The following CHN2 variants were observed in gnomAD, a reference collection of about 807,000 sequenced individuals.
The protein encoded by CHN2 is chimerin 2.
CHN2 carries 35 observed loss-of-function variants against 56.3 expected under a neutral mutation model. That is an observed-to-expected ratio of 0.62 (90% CI 0.47 to 0.82). The LOEUF (loss-of-function observed/expected upper bound fraction) is 0.82, where lower values mean the gene tolerates loss of function less well. Among genes scored for constraint, CHN2 ranks in the 40% least tolerant of loss-of-function variants. The pLI, the probability that CHN2 is intolerant of heterozygous loss-of-function variation, is 0.00. For missense variants in CHN2, 491 were observed against 580.5 expected (o/e 0.85, Z 1.58); for synonymous variants, 210 against 212.8 (o/e 0.99, Z 0.12).
chr7:29,298,743 A>T (rs753490898), intron 1 of CHN2, among the ~76,000 whole-genome samples: 11 of 152,320 alleles, frequency 7.2e-5, no homozygotes, highest in Admixed American at 3.9e-4. Context: ...TGGTTGGTTT[A>T]CAAGAACAAG....
intron 1 of CHN2, among the ~76,000 whole-genome samples, chr7:29,349,997 C>A (rs1797755164): frequency 6.6e-6 from 1 of 152,190 alleles, no homozygotes; most frequent in Non-Finnish European, 1.5e-5. Context: ...CACCATTTGG[C>A]TTAATGACAA....
rs937887541 is a variant in CHN2 at position 29,354,704 on chromosome 7, A to G, written c.88+41A>G. The G allele has an allele frequency of 2.9e-5, 46 of 1,585,822 alleles. No individual in the cohort carries two copies. The East Asian group carries it at 3.4e-4, about 12-fold the overall frequency. On this transcript the variant is annotated intron_variant, in intron 2 of 12. Coordinates refer to ENST00000222792, the MANE Select transcript of CHN2 (RefSeq NM_004067.4). ...GAAAATCTCCCCAGAAGTCGTTAGC[A>G]GGCCAGCCTTTCTGAACAATTCTTG... is the stretch of plus-strand genomic sequence containing the variant.
intron 6 of CHN2, among the ~76,000 whole-genome samples, chr7:29,447,765 G>C (rs1562615051): frequency 6.6e-6 from 1 of 152,138 alleles, no homozygotes. Context: ...CATGATATGT[G>C]ATATGAGTGA....
intron 1 of CHN2, among the ~76,000 whole-genome samples, chr7:29,195,629 A>AGAGAGAGAGAGAGTGT (rs869037854): frequency 2.5e-4 from 29 of 117,554 alleles, no homozygotes; most frequent in East Asian, 1.5e-3. Flanking sequence ...AGAGAGAGAG[A>AGAGAGAGAGAGAGTGT]GTGTGTGTGT....
chr7:29,185,955 C>T (rs560155354), intron 2 of CHN2, among the ~76,000 whole-genome samples: 3 of 152,256 alleles, frequency 2.0e-5, no homozygotes, highest in African/African-American at 4.8e-5. Context: ...ATGTGAAAAT[C>T]GTTATTTAAT....
Position 29,499,929 on chromosome 7 carries a change from C to A in CHN2, c.802C>A (p.Leu268Ile), listed in dbSNP as rs1348277463. Residue 268 changes from leucine to isoleucine, a missense_variant, in exon 9 of 13, where the codon CTC becomes ATC. Coordinates refer to ENST00000222792, the MANE Select transcript of CHN2 (RefSeq NM_004067.4). ...CGTTCCCAATGACTGCCAACCTGAT[C>A]TCAAGAGGATCAAGAAAGTGTACTG... ...KHVPNDCQPD[L>I]KRIKKVYCCD... The A allele has an allele frequency of 6.2e-7, 1 of 1,612,882 alleles. No homozygotes were observed. The highest frequency in any genetic ancestry group is 8.5e-7 in the Non-Finnish European group (1 of 1,179,626).
At chr7:29,379,604 T>G (rs1800335819) in intron 3 of CHN2, among the ~76,000 whole-genome samples, 1 of 152,122 alleles carries the variant, frequency 6.6e-6, no homozygotes, top group South Asian at 2.1e-4. Context: ...TGTATATGGG[T>G]GTTTACTGTA....
At chr7:29,238,241 A>T (rs577041645) in intron 1 of CHN2, among the ~76,000 whole-genome samples, 2 of 151,736 alleles carry the variant, frequency 1.3e-5, no homozygotes, top group Non-Finnish European at 2.9e-5. Flanking sequence ...GAAGGTCTTG[A>T]TCTCCTGACC....
chr7:29,442,847 C>T (rs1441197618), intron 6 of CHN2, among the ~76,000 whole-genome samples: 1 of 151,894 alleles, frequency 6.6e-6, no homozygotes, highest in Non-Finnish European at 1.5e-5. Flanking sequence ...CGATTAATAC[C>T]TGAATGCTGC....
chr7:29,262,926 C>G (rs1169985571), intron 1 of CHN2, among the ~76,000 whole-genome samples: 2 of 146,882 alleles, frequency 1.4e-5, no homozygotes, highest in East Asian at 3.9e-4. Flanking sequence ...CACATATACC[C>G]CGGAACTTAA....
intron 2 of CHN2, among the ~76,000 whole-genome samples, chr7:29,153,279 T>G (rs245895): frequency 0.78 from 117,898 of 152,120 alleles, 46,179 homozygotes; most frequent in East Asian, 0.96. Flanking sequence ...GGCTTGGAAA[T>G]AAATAAACAT....
intron 6 of CHN2, among the ~76,000 whole-genome samples, chr7:29,403,845 A>G (rs189832970): frequency 6.6e-6 from 1 of 152,372 alleles, no homozygotes; most frequent in East Asian, 1.9e-4. Flanking sequence ...AACTTATTCC[A>G]TAGATGGATT....
chr7:29,443,264 A>G (rs192877661), intron 6 of CHN2, among the ~76,000 whole-genome samples: 2 of 151,952 alleles, frequency 1.3e-5, no homozygotes, highest in Admixed American at 6.6e-5. Flanking sequence ...TTCTAACTGA[A>G]ATAGAACTGA....
rs559312431 is a variant in CHN2, at chr7:29,275,029, G to A, written c.50-79596G>A. On this transcript the variant is annotated intron_variant, in intron 1 of 12. Coordinates refer to ENST00000222792, the MANE Select transcript of CHN2 (RefSeq NM_004067.4). Reference sequence around the variant, plus strand: ...GTCCCCTGCTAAACCTAACTGTAGCGTGCAAGCCACACACTAGGGAATTAG... The same window carrying A: ...GTCCCCTGCTAAACCTAACTGTAGCATGCAAGCCACACACTAGGGAATTAG... Among the ~76,000 whole-genome samples, 15 of 152,210 alleles carry A rather than the reference G, an allele frequency of 9.9e-5. No homozygotes were observed. The South Asian group carries it at 2.3e-3, about 23-fold the overall frequency.
At chr7:29,402,751 A>T (rs1474458063) in intron 6 of CHN2, among the ~76,000 whole-genome samples, 1 of 152,150 alleles carries the variant, frequency 6.6e-6, no homozygotes, top group East Asian at 1.9e-4. Context: ...ATTGAAACTG[A>T]TATTTCTAGA....
chr7:29,285,806 A>G (rs988901440), intron 1 of CHN2, among the ~76,000 whole-genome samples: 2 of 152,126 alleles, frequency 1.3e-5, no homozygotes, highest in Admixed American at 1.3e-4. Context: ...TCAACTCTCA[A>G]TTGGACAAAT....
intron 2 of CHN2, 130 bp from the exon 3 acceptor site, chr7:29,367,802 T>C (rs1161889336): frequency 1.6e-6 from 1 of 626,602 alleles, no homozygotes; most frequent in East Asian, 3.2e-5. Flanking sequence ...AATGTGCCTG[T>C]ATTCTCTTGT....
intron 3 of CHN2, among the ~76,000 whole-genome samples, chr7:29,374,260 T>C (rs1460075276): frequency 2.0e-5 from 3 of 152,166 alleles, no homozygotes; most frequent in East Asian, 1.9e-4. Flanking sequence ...GATGCAGTTT[T>C]CTTCTGAACT....
At chr7:29,459,746 C>G (rs1043063393) in intron 6 of CHN2, among the ~76,000 whole-genome samples, 1 of 152,170 alleles carries the variant, frequency 6.6e-6, no homozygotes, top group African/African-American at 2.4e-5. Flanking sequence ...TTGTCTCCCC[C>G]TCTCCTCCCT....
Sources: gnomAD v4.1 joint callset for allele counts (sites outside exome capture counted in the v4.1 genomes callset) on GRCh38, gnomAD v4.1.1 for gene constraint, MANE v1.5 for transcripts, NCBI Gene and HGNC (gene_info 2026-07-23, HGNC 2026-07-21) for gene names.